Variants in PCSK2 observed in about 807,000 individuals in gnomAD.
PCSK2 encodes the protein neuroendocrine convertase 2.
PCSK2 carries 14 observed loss-of-function variants against 69.7 expected under a neutral mutation model. The observed-to-expected ratio is 0.20, with a 90% CI of 0.13 to 0.31. The LOEUF (loss-of-function observed/expected upper bound fraction) is 0.31. Ranked by LOEUF, PCSK2 falls within the 10% of genes least tolerant of loss-of-function variation. PCSK2 has a pLI of 1.00. For synonymous variants in PCSK2, 307 were observed against 320.7 expected (o/e 0.96, Z 0.46); for missense variants, 544 against 842.5 (o/e 0.65, Z 4.39).
At chr20:17,461,139 G>A (rs1410489320) in intron 10 of PCSK2, among the ~76,000 whole-genome samples, 9 of 152,042 alleles carry the variant, frequency 5.9e-5, no homozygotes, top group East Asian at 5.8e-4. Flanking sequence ...CCTCAAACAT[G>A]ATGCACAAAA....
intron 8 of PCSK2, among the ~76,000 whole-genome samples, chr20:17,447,948 A>G (rs1229668689): frequency 6.6e-6 from 1 of 152,158 alleles, no homozygotes; most frequent in Non-Finnish European, 1.5e-5. Flanking sequence ...TTATATGTAA[A>G]ATTGGCAAGA....
At chr20:17,304,234 T>C (rs1600471862) in intron 2 of PCSK2, among the ~76,000 whole-genome samples, 1 of 152,176 alleles carries the variant, frequency 6.6e-6, no homozygotes, top group East Asian at 1.9e-4. Context: ...TATGACCTAT[T>C]GTAAGTTTTT....
chr20:17,241,537 A>G (rs1986572277), intron 1 of PCSK2, among the ~76,000 whole-genome samples: 1 of 152,228 alleles, frequency 6.6e-6, no homozygotes, highest in Admixed American at 6.5e-5. Context: ...GTCCTGTGGA[A>G]TCACTAATTC....
At chr20:17,440,728 G>C (rs769045946) in intron 8 of PCSK2, among the ~76,000 whole-genome samples, 9 of 152,088 alleles carry the variant, frequency 5.9e-5, no homozygotes, top group African/African-American at 9.7e-5. Flanking sequence ...CAGGTGTGGT[G>C]GTGGGCACCT....
chr20:17,352,596 G>GAAA (rs1310497827), intron 2 of PCSK2, among the ~76,000 whole-genome samples: 20 of 152,176 alleles, frequency 1.3e-4, no homozygotes, highest in Non-Finnish European at 2.2e-4. Flanking sequence ...TAAGCAATGG[G>GAAA]AAAAGGGCTT....
At chr20:17,447,197 G>A (rs1166299108) in intron 8 of PCSK2, among the ~76,000 whole-genome samples, 1 of 151,104 alleles carries the variant, frequency 6.6e-6, no homozygotes, top group Admixed American at 6.6e-5. Flanking sequence ...CTTGAAGCTG[G>A]GAGGCAAAGA....
At chr20:17,462,342 A>C (rs1264057489) in intron 10 of PCSK2, among the ~76,000 whole-genome samples, 1 of 152,190 alleles carries the variant, frequency 6.6e-6, no homozygotes, top group Non-Finnish European at 1.5e-5. Context: ...CCAGACTACC[A>C]ATGTTCTCAA....
chr20:17,247,096 A>C (rs1034063120), intron 1 of PCSK2, among the ~76,000 whole-genome samples: 4 of 152,204 alleles, frequency 2.6e-5, no homozygotes, highest in Non-Finnish European at 4.4e-5. Flanking sequence ...AGGAGAAAGA[A>C]ATGTTAGGAA....
At chr20:17,347,951 A>G (rs2123187698) in intron 2 of PCSK2, among the ~76,000 whole-genome samples, 1 of 61,038 alleles carries the variant, frequency 1.6e-5, no homozygotes, top group South Asian at 9.7e-4. Flanking sequence ...AAAGAAAGAA[A>G]GAAAGAAAGA....
chr20:17,264,868 C>CT (rs5840760), intron 2 of PCSK2, among the ~76,000 whole-genome samples: 5 of 150,906 alleles, frequency 3.3e-5, no homozygotes, highest in South Asian at 4.2e-4. Flanking sequence ...TTCTTTCTTT[C>CT]TTTTTTTTTT....
chr20:17,374,350 G>T (rs1270148772), intron 5 of PCSK2, among the ~76,000 whole-genome samples: 1 of 152,164 alleles, frequency 6.6e-6, no homozygotes, highest in Non-Finnish European at 1.5e-5. Context: ...CAAGCTCAGG[G>T]GTTCTGTTAG....
At chr20:17,381,561 GC>G (rs2031087671) in intron 5 of PCSK2, among the ~76,000 whole-genome samples, 1 of 152,088 alleles carries the variant, frequency 6.6e-6, no homozygotes, top group Non-Finnish European at 1.5e-5. Context: ...GATCTTTATG[GC>G]CCTCAGTTTC....
intron 2 of PCSK2, among the ~76,000 whole-genome samples, chr20:17,315,467 G>A (rs1215394843): frequency 1.3e-5 from 2 of 152,162 alleles, no homozygotes. Context: ...CCTCCAGAGG[G>A]GGCCTCCCTC....
At chr20:17,332,319 C>A (rs1448181252) in intron 2 of PCSK2, among the ~76,000 whole-genome samples, 1 of 152,096 alleles carries the variant, frequency 6.6e-6, no homozygotes, top group Non-Finnish European at 1.5e-5. Flanking sequence ...GGACCTCACA[C>A]ACAAATACTA....
intron 5 of PCSK2, among the ~76,000 whole-genome samples, chr20:17,394,721 A>C (rs933686386): frequency 6.6e-6 from 1 of 152,182 alleles, no homozygotes; most frequent in Admixed American, 6.5e-5. Flanking sequence ...CTGTGCACAA[A>C]GGGATTGTGT....
Position 17,378,481 on chromosome 20 carries a change from A to G in PCSK2, c.543+9204A>G, listed in dbSNP as rs73900265. Among the ~76,000 whole-genome samples the G allele has an allele frequency of 6.0e-3, 911 of 152,334 alleles. 12 individuals carry two copies. Among genetic ancestry groups the G allele is most frequent in the African/African-American group, 0.021 (883 of 41,576 alleles). On this transcript the variant is annotated intron_variant, in intron 5 of 11. Transcript: ENST00000262545. ...TTTAACTGGCTTAAAGACCAGGGTA[A>G]TGTCTTCCAACTCTTTTACTCATGA...
At chr20:17,422,509 C>T (rs1007078755) in intron 6 of PCSK2, among the ~76,000 whole-genome samples, 24 of 151,900 alleles carry the variant, frequency 1.6e-4, no homozygotes, top group Admixed American at 1.1e-3. Context: ...TAATTCATTG[C>T]AATTTCAATT....
chr20:17,282,750 G>GAA (rs950846256), intron 2 of PCSK2, among the ~76,000 whole-genome samples: 21 of 139,032 alleles, frequency 1.5e-4, no homozygotes, highest in Middle Eastern at 3.6e-3. Flanking sequence ...CACACGCTGT[G>GAA]AAAAAAAAAA....
intron 1 of PCSK2, among the ~76,000 whole-genome samples, chr20:17,245,306 T>TTA (rs544695900): frequency 1.8e-4 from 28 of 152,236 alleles, no homozygotes; most frequent in Non-Finnish European, 3.5e-4. Flanking sequence ...TCTAGCCTTG[T>TTA]TATCTGTGTG....
Sources: allele counts gnomAD v4.1 joint callset (sites outside exome capture counted in the v4.1 genomes callset), GRCh38; gene constraint gnomAD v4.1.1; transcripts MANE v1.5; gene names NCBI Gene and HGNC (gene_info 2026-07-23, HGNC 2026-07-21).